ABCB5: variants seen among roughly 807,000 people sequenced by gnomAD.
ABCB5 encodes the protein ATP-binding cassette sub-family B member 5.
A neutral mutation model predicts 144.2 loss-of-function variants in ABCB5; 155 were observed. The observed-to-expected ratio is 1.08, with a 90% confidence interval of 0.94 to 1.23. The LOEUF is 1.23. Ranked by LOEUF, ABCB5 falls within the 50% of genes most tolerant of loss-of-function variation. The pLI is 0.00. For missense variants in ABCB5, 1,830 were observed against 1,520.8 expected (o/e 1.20, Z -3.38); for synonymous variants, 610 against 528.6 (o/e 1.15, Z -2.11).
chr7:20,731,792 T>C (rs568094845), intron 23 of ABCB5, among the ~76,000 whole-genome samples: 1 of 152,270 alleles, frequency 6.6e-6, no homozygotes, highest in South Asian at 2.1e-4. Flanking sequence ...CATAAATCAC[T>C]GATTCCTCAT....
intron 11 of ABCB5, among the ~76,000 whole-genome samples, chr7:20,649,784 C>T (rs1784522726): frequency 1.3e-5 from 2 of 152,266 alleles, no homozygotes; most frequent in South Asian, 2.1e-4. Context: ...AGTTAATATT[C>T]TGAAGTACTC....
At position 20,743,053 on chromosome 7, in the gene ABCB5, T is replaced by A; in HGVS notation, c.3201T>A (p.Tyr1067Ter). The A allele has an allele frequency of 6.2e-7, 1 of 1,614,046 alleles. No homozygotes were observed. Among genetic ancestry groups the A allele is most frequent in the South Asian group, 1.1e-5 (1 of 91,076 alleles). Residue 1067 changes from tyrosine (Y) to a stop codon, truncating the protein, a stop_gained, in exon 25 of 28, where the codon TAT becomes TAA. Coordinates refer to ENST00000404938, the MANE Select transcript of ABCB5 (RefSeq NM_001163941.2). LOFTEE classifies it high-confidence loss of function. The part of the protein sequence containing the change: ...STSVQLLQRL[Y>*]DPVQGQVLFD... ...CTGTTCAACTTCTGCAGAGACTTTA[T>A]GACCCCGTGCAAGGACAAGTGGTAA... is the stretch of plus-strand genomic sequence containing the variant.
intron 25 of ABCB5, 73 bp from the exon 26 acceptor site, chr7:20,745,159 T>C (rs1782679869): frequency 2.1e-6 from 3 of 1,421,838 alleles, no homozygotes; most frequent in Non-Finnish European, 3.0e-6. Context: ...TTGTGTGTGT[T>C]TGAATACAGT....
chr7:20,624,961 T>A (rs1383019709), intron 2 of ABCB5, among the ~76,000 whole-genome samples: 1 of 152,196 alleles, frequency 6.6e-6, no homozygotes, highest in Non-Finnish European at 1.5e-5. Flanking sequence ...CTTTCTTATG[T>A]CAACGCTGAT....
At chr7:20,752,477 G>A (rs190769313) in intron 26 of ABCB5, among the ~76,000 whole-genome samples, 78 of 152,306 alleles carry the variant, frequency 5.1e-4, no homozygotes, top group Admixed American at 2.4e-3. Context: ...AGTAAGTAGG[G>A]GAACTAAGAA....
chr7:20,720,943 C>CAAAAAAAAAA (rs71020677), intron 20 of ABCB5, among the ~76,000 whole-genome samples: 3 of 71,060 alleles, frequency 4.2e-5, no homozygotes, highest in Non-Finnish European at 7.7e-5. Context: ...AACTCTGCCT[C>CAAAAAAAAAA]AAAAAAAAAA....
intron 14 of ABCB5, among the ~76,000 whole-genome samples, chr7:20,665,088 T>C (rs765668621): frequency 6.6e-6 from 1 of 152,236 alleles, no homozygotes; most frequent in Non-Finnish European, 1.5e-5. Flanking sequence ...TTTACCATTA[T>C]TATGTTATTA....
At chr7:20,644,216 C>T (rs921352727) in intron 7 of ABCB5, among the ~76,000 whole-genome samples, 5 of 151,994 alleles carry the variant, frequency 3.3e-5, no homozygotes, top group Middle Eastern at 3.2e-3. Context: ...TCCCAAGTAG[C>T]TGGGACTACA....
chr7:20,678,476 T>A (rs1027863915), intron 14 of ABCB5, among the ~76,000 whole-genome samples: 1 of 152,158 alleles, frequency 6.6e-6, no homozygotes, highest in Non-Finnish European at 1.5e-5. Context: ...TCCTGCTCTA[T>A]AATAGATAAG....
Position 20,711,841 on chromosome 7 carries a change from T to C in ABCB5, c.2421+7034T>C, listed in dbSNP as rs1390133084. Among the ~76,000 whole-genome samples, 30 of 54,708 alleles carry C rather than the reference T, an allele frequency of 5.5e-4. 2 individuals are homozygous for C. The highest frequency in any genetic ancestry group is 4.4e-3 in the African/African-American group (26 of 5,856). The allele number at this position is 54,708 out of a possible 152,430, so 35.9% of individuals were successfully genotyped here. A position where few individuals can be genotyped will look rare whatever the true frequency, so the allele number is the denominator to read the frequency against. The stretch of plus-strand genomic sequence containing the variant: ...CTTTCTTTCTTTCTTTCTTTCTTTC[T>C]TTCTTTTCTTTCTTTCTTTCCTTCC... On this transcript the variant is annotated intron_variant, in intron 20 of 27. Transcript: ENST00000404938.
intron 12 of ABCB5, 139 bp from the exon 13 acceptor site, chr7:20,651,281 A>G: frequency 1.3e-6 from 1 of 783,930 alleles, no homozygotes. Context: ...TATATGTTAG[A>G]AATATTTTAT....
intron 1 of ABCB5, among the ~76,000 whole-genome samples, chr7:20,618,494 T>A (rs993621975): frequency 6.6e-6 from 1 of 152,178 alleles, no homozygotes; most frequent in Admixed American, 6.5e-5. Context: ...GATTGAGGTG[T>A]GAATAATCCC....
intron 26 of ABCB5, among the ~76,000 whole-genome samples, chr7:20,747,650 C>T (rs6461517): frequency 0.35 from 53,096 of 152,064 alleles, 9,439 homozygotes; most frequent in African/African-American, 0.39. Flanking sequence ...CAAAAATCCA[C>T]TGTGCTAACT....
In ABCB5 at chr7:20,651,455, T is replaced by A; in HGVS notation, c.1368T>A (p.Asn456Lys). ...MVDENDIRAL[N>K]VRHYRDHIGV... The stretch of plus-strand genomic sequence containing the variant: ...ATGAGAATGACATCAGAGCTTTAAA[T>A]GTGCGGCATTATCGAGACCATATTG... The change falls in exon 13 of 28, where the codon AAT becomes AAA. Residue 456 changes from asparagine (N) to lysine (K), a missense_variant. Asn to Lys is a moderately conservative substitution (Grantham distance 94). Transcript: ENST00000404938. The A allele has an allele frequency of 6.2e-7, 1 of 1,614,106 alleles. No homozygotes were observed. The highest frequency in any genetic ancestry group is 1.1e-5 in the South Asian group (1 of 91,082).
chr7:20,641,069 T>C (rs1224348629), intron 5 of ABCB5, among the ~76,000 whole-genome samples: 1 of 152,124 alleles, frequency 6.6e-6, no homozygotes, highest in East Asian at 1.9e-4. Flanking sequence ...AGACCCCCTC[T>C]CTCGTGCTTC....
At chr7:20,631,473 T>C (rs1784037090) in intron 4 of ABCB5, among the ~76,000 whole-genome samples, 1 of 152,168 alleles carries the variant, frequency 6.6e-6, no homozygotes, top group African/African-American at 2.4e-5. Flanking sequence ...ATATCAACCA[T>C]GGTTTTGTGT....
At chr7:20,741,571 T>C (rs1003281521) in intron 24 of ABCB5, among the ~76,000 whole-genome samples, 1 of 34,470 alleles carries the variant, frequency 2.9e-5, no homozygotes, top group East Asian at 1.4e-3. Flanking sequence ...CCTTCCAGAT[T>C]TTTTTTTTCT....
Position 20,755,526 on chromosome 7 carries a change from C to A in ABCB5, c.3676C>A (p.Leu1226Met). ...TCAGAACGCAGATTTGATAGTGGTT[C>A]TGCACAATGGAAAGATAAAGGAACA... ...AIQNADLIVV[L>M]HNGKIKEQGT... Residue 1226 changes from leucine (L) to methionine (M), a missense_variant, in exon 28 of 28, where the codon CTG becomes ATG. Physicochemically the swap from Leu to Met is conservative, Grantham distance 15. Transcript: ENST00000404938. The A allele has an allele frequency of 6.2e-7, 1 of 1,614,164 alleles. No homozygotes were observed. The highest frequency in any genetic ancestry group is 8.5e-7 in the Non-Finnish European group (1 of 1,180,034).
intron 13 of ABCB5, among the ~76,000 whole-genome samples, chr7:20,655,992 T>C (rs1784778012): frequency 6.6e-6 from 1 of 152,182 alleles, no homozygotes; most frequent in Admixed American, 6.5e-5. Context: ...GATTCACAAA[T>C]ATCTACTAAG....
Sources: allele counts gnomAD v4.1 joint callset (sites outside exome capture counted in the v4.1 genomes callset), GRCh38; gene constraint gnomAD v4.1.1; transcripts MANE v1.5; gene names NCBI Gene and HGNC (gene_info 2026-07-23, HGNC 2026-07-21).